ZMYM4: variants seen among roughly 807,000 people sequenced by gnomAD.
The protein encoded by ZMYM4 is zinc finger MYM-type protein 4.
ZMYM4 carries 31 observed loss-of-function variants against 183.2 expected under a neutral mutation model. The ratio of observed to expected loss-of-function variants is 0.17; its 90% CI spans 0.13 to 0.23. The LOEUF (loss-of-function observed/expected upper bound fraction) is 0.23. Ranked by LOEUF, ZMYM4 falls within the 10% of genes least tolerant of loss-of-function variation. The pLI, the probability that ZMYM4 is intolerant of heterozygous loss-of-function variation, is 1.00. For missense variants in ZMYM4, 1,273 were observed against 1,840.3 expected (o/e 0.69, Z 5.64); for synonymous variants, 592 against 631.2 (o/e 0.94, Z 0.93).
chr1:35,308,751 C>T (rs754360002), intron 1 of ZMYM4, among the ~76,000 whole-genome samples: 2 of 152,126 alleles, frequency 1.3e-5, no homozygotes, highest in Non-Finnish European at 2.9e-5. Flanking sequence ...GTCCCAGCTA[C>T]TCAGGAGGCT....
rs1460825309 is a variant in ZMYM4, at chr1:35,397,396, T to C, written c.3050T>C (p.Ile1017Thr). 4 of 1,607,716 alleles carry C rather than the reference T, an allele frequency of 2.5e-6. No homozygotes were observed. The highest frequency in any genetic ancestry group is 3.4e-6 in the Non-Finnish European group (4 of 1,177,304). The change falls in exon 20 of 30, where the codon ATT becomes ACT. Residue 1017 changes from isoleucine to threonine, a missense_variant. Transcript: ENST00000314607. ...TTTCAGATGCCTGTCCCTATGCTTA[T>C]TCCATCTTCAATGGATAGTGAAGAT... ...IPVPMPVPML[I>T]PSSMDSEDKV...
chr1:35,380,048 G>A (rs1644419091), intron 7 of ZMYM4, among the ~76,000 whole-genome samples: 2 of 152,210 alleles, frequency 1.3e-5, no homozygotes, highest in Admixed American at 1.3e-4. Flanking sequence ...ATGCTGTTAA[G>A]AAATGGCACT....
chr1:35,323,525 C>T (rs974082651), intron 1 of ZMYM4, among the ~76,000 whole-genome samples: 6 of 151,018 alleles, frequency 4.0e-5, no homozygotes, highest in South Asian at 2.1e-4. Flanking sequence ...CATTTTTCTT[C>T]GTTTTTTGTT....
At chr1:35,306,744 G>A (rs1049686045) in intron 1 of ZMYM4, among the ~76,000 whole-genome samples, 9 of 152,114 alleles carry the variant, frequency 5.9e-5, no homozygotes, top group Admixed American at 5.9e-4. Flanking sequence ...CATTTCTTCT[G>A]TTGTGGACCT....
intron 2 of ZMYM4, among the ~76,000 whole-genome samples, chr1:35,343,124 A>G (rs1223175660): frequency 1.3e-5 from 2 of 152,164 alleles, no homozygotes; most frequent in East Asian, 1.9e-4. Flanking sequence ...CCATCTATGC[A>G]TTCATCTGTT....
At position 35,415,755 on chromosome 1, in the gene ZMYM4, G is replaced by A. The variant is rs757190215; in HGVS notation, c.4309+41G>A. On this transcript the variant is annotated intron_variant, in intron 28 of 29. Coordinates refer to ENST00000314607, the MANE Select transcript of ZMYM4 (RefSeq NM_005095.3). ...TGTCAGATTTCTCTTTGAAGTCTTA[G>A]TAGTAGTACTAAAATAGAGAGTTAC... The A allele has an allele frequency of 2.1e-5, 34 of 1,596,828 alleles. No individual in the cohort carries two copies. The Admixed American group carries it at 5.7e-4, about 27-fold the overall frequency.
intron 2 of ZMYM4, among the ~76,000 whole-genome samples, chr1:35,340,951 A>T (rs1020376346): frequency 2.0e-5 from 3 of 152,098 alleles, no homozygotes; most frequent in Non-Finnish European, 4.4e-5. Context: ...TATTCCTTAG[A>T]TGAGTAGCCT....
chr1:35,345,359 A>G (rs1239309925), intron 2 of ZMYM4, among the ~76,000 whole-genome samples: 2 of 152,056 alleles, frequency 1.3e-5, no homozygotes, highest in Non-Finnish European at 2.9e-5. Flanking sequence ...GTTGTTTATA[A>G]TATTTTCTTA....
At chr1:35,331,428 G>A (rs2148833977) in intron 2 of ZMYM4, among the ~76,000 whole-genome samples, 1 of 152,192 alleles carries the variant, frequency 6.6e-6, no homozygotes, top group Admixed American at 6.6e-5. Context: ...TTTTATCTCT[G>A]TATTGGTAAA....
chr1:35,362,803 A>G (rs1039066829), intron 5 of ZMYM4, among the ~76,000 whole-genome samples: 1 of 152,032 alleles, frequency 6.6e-6, no homozygotes, highest in African/African-American at 2.4e-5. Context: ...CCCAGGCTCA[A>G]GTGAACCTCC....
chr1:35,273,853 A>G (rs769862708), intron 1 of ZMYM4, among the ~76,000 whole-genome samples: 2 of 152,174 alleles, frequency 1.3e-5, no homozygotes, highest in Non-Finnish European at 2.9e-5. Context: ...ACAAAGTGGA[A>G]AAAGTATTCA....
intron 2 of ZMYM4, among the ~76,000 whole-genome samples, chr1:35,346,331 G>A (rs528193782): frequency 1.3e-5 from 2 of 152,266 alleles, no homozygotes; most frequent in East Asian, 3.9e-4. Flanking sequence ...TACAATTTCT[G>A]TATGATTTTG....
intron 26 of ZMYM4, among the ~76,000 whole-genome samples, chr1:35,413,458 G>T (rs1284707789): frequency 6.6e-6 from 1 of 152,174 alleles, no homozygotes; most frequent in Non-Finnish European, 1.5e-5. Flanking sequence ...AGGTTGTGGG[G>T]CAGAGTTGAG....
At chr1:35,368,078 T>G (rs970522679) in intron 5 of ZMYM4, among the ~76,000 whole-genome samples, 2 of 25,768 alleles carry the variant, frequency 7.8e-5, no homozygotes, top group Admixed American at 4.9e-4. Context: ...CCCCACCCAT[T>G]TTTTTTGTTT....
chr1:35,282,453 A>G (rs1482086846), intron 1 of ZMYM4, among the ~76,000 whole-genome samples: 1 of 152,228 alleles, frequency 6.6e-6, no homozygotes, highest in East Asian at 1.9e-4. Context: ...TAAGTTACTC[A>G]ACCTCAGGTA....
At chr1:35,322,813 C>A (rs1361593832) in intron 1 of ZMYM4, among the ~76,000 whole-genome samples, 4 of 151,962 alleles carry the variant, frequency 2.6e-5, no homozygotes, top group Non-Finnish European at 5.9e-5. Flanking sequence ...CCTCAGCCTC[C>A]CAAGTAGCTG....
At chr1:35,355,584 C>A (rs1643793498) in intron 2 of ZMYM4, among the ~76,000 whole-genome samples, 1 of 151,962 alleles carries the variant, frequency 6.6e-6, no homozygotes, top group East Asian at 1.9e-4. Flanking sequence ...GAAATAAAAC[C>A]TTTTAAATCA....
rs1035461757 is a variant in ZMYM4 at position 35,419,833 on chromosome 1, C to G, written c.*156C>G. On this transcript the variant is annotated 3_prime_UTR_variant, in exon 30 of 30. Transcript: ENST00000314607. ...TTGTGAACCCCACAGTGTGGATGTGCAAATGAAAATTGAAGGAAAGAATAT... is the reference window on the plus strand; with the variant it reads ...TTGTGAACCCCACAGTGTGGATGTGGAAATGAAAATTGAAGGAAAGAATAT... 1.7e-5 allele frequency: 12 copies of G among 698,120 alleles called. No homozygotes were observed. In the East Asian group the frequency reaches 3.3e-4, roughly 19 times the overall value. 43.2% of individuals were successfully genotyped at this position (698,120 alleles called of 1,614,324 possible).
intron 1 of ZMYM4, among the ~76,000 whole-genome samples, chr1:35,297,773 T>C (rs975189148): frequency 1.3e-5 from 2 of 152,190 alleles, no homozygotes; most frequent in Non-Finnish European, 2.9e-5. Flanking sequence ...TGTGGGATTA[T>C]TACCAAACTA....
Sources: allele counts gnomAD v4.1 joint callset (sites outside exome capture counted in the v4.1 genomes callset), GRCh38; gene constraint gnomAD v4.1.1; transcripts MANE v1.5; gene names NCBI Gene and HGNC (gene_info 2026-07-23, HGNC 2026-07-21).